The following ABCC2 variants were observed in gnomAD, a reference collection of about 807,000 sequenced individuals.
The protein encoded by ABCC2 is ATP binding cassette subfamily C member 2.
Under a neutral mutation model 173.4 loss-of-function variants are expected in ABCC2, and 157 were observed. The ratio of observed to expected loss-of-function variants is 0.91; its 90% CI spans 0.80 to 1.03. The LOEUF is 1.03. ABCC2 is among the 50% of genes least tolerant of loss of function. The pLI is 0.00. For missense variants in ABCC2, 1,822 were observed against 1,852.3 expected, an observed-to-expected ratio of 0.98 and a Z score of 0.30; for synonymous variants, 657 against 693.5, an observed-to-expected ratio of 0.95 and a Z score of 0.83.
intron 24 of ABCC2, among the ~76,000 whole-genome samples, chr10:99,834,944 T>G (rs1454286779): frequency 6.6e-6 from 1 of 152,258 alleles, no homozygotes; most frequent in Non-Finnish European, 1.5e-5. Context: ...CAGGCATAGC[T>G]GCTTGGAGAT....
chr10:99,801,461 C>A (rs2038015142), intron 9 of ABCC2, among the ~76,000 whole-genome samples: 1 of 152,188 alleles, frequency 6.6e-6, no homozygotes, highest in South Asian at 2.1e-4. Context: ...TGGTCTCGAT[C>A]TCCTGACGTC....
At position 99,832,105 on chromosome 10, in the gene ABCC2, G is replaced by A. The variant is rs777472412; in HGVS notation, c.3232G>A (p.Gly1078Ser). Residue 1078 changes from glycine (G) to serine (S), a missense_variant, in exon 23 of 32, where the codon GGC becomes AGC. Transcript: ENST00000647814. ...GAGATTTTTTGACACAACACCCACA[G>A]GCCGGATTGTGAACAGGTTTGCCGG... ...PMRFFDTTPT[G>S]RIVNRFAGDI... The A allele has an allele frequency of 6.2e-7, 1 of 1,614,180 alleles. No individual in the cohort carries two copies. Among genetic ancestry groups the A allele is most frequent in the East Asian group, 2.2e-5 (1 of 44,890 alleles).
rs771036937 is a variant in ABCC2 at position 99,847,019 on chromosome 10, C to T, written c.4205C>T (p.Ser1402Leu). 1.9e-6 allele frequency: 3 copies of T among 1,614,198 alleles called. No homozygotes were observed. In the South Asian group the frequency reaches 3.3e-5, roughly 18 times the overall value. Residue 1402 changes from serine to leucine, a missense_variant, in exon 30 of 32, where the codon TCA (serine) becomes TTA (leucine). Coordinates refer to ENST00000647814, the MANE Select transcript of ABCC2 (RefSeq NM_000392.5). ...RMNLDPFNNYSDEEIWKALEL... is the reference protein window; with the variant it reads ...RMNLDPFNNYLDEEIWKALEL... ...AATCTCGACCCTTTCAACAACTACT[C>T]AGATGAGGAGATTTGGAAGGCCTTG...
rs1564684099 is a variant in ABCC2 at position 99,814,260 on chromosome 10, CACGT to C, written c.2094+1118_2094+1121del. Among the ~76,000 whole-genome samples the C allele has an allele frequency of 1.4e-3, 44 of 30,908 alleles. 14 individuals are homozygous for C. Among genetic ancestry groups the C allele is most frequent in the African/African-American group, 5.3e-3 (38 of 7,134 alleles). 20.3% of individuals were successfully genotyped at this position (30,908 alleles called of 152,430 possible). ...ATATATGCACACACGTATGTATACA[CACGT>C]ATGTATACACACGTATGTATACACA... On this transcript the variant is annotated intron_variant, in intron 16 of 31. Transcript: ENST00000647814.
At chr10:99,783,831 A>G (rs139932141) in intron 1 of ABCC2, among the ~76,000 whole-genome samples, 79 of 152,232 alleles carry the variant, frequency 5.2e-4, no homozygotes, top group Admixed American at 1.4e-3. Context: ...TCTCTTGAGA[A>G]TTCTTTCTGA....
At chr10:99,811,718 T>C in intron 15 of ABCC2, 116 bp downstream of exon 15, 9 of 1,204,018 alleles carry the variant, frequency 7.5e-6, no homozygotes, top group Non-Finnish European at 9.7e-6. Flanking sequence ...ATGTCTTCGG[T>C]TAGATACTAG....
intron 16 of ABCC2, among the ~76,000 whole-genome samples, chr10:99,814,192 C>CACACAT (rs2038285030): frequency 1.2e-5 from 1 of 81,648 alleles, no homozygotes; most frequent in African/African-American, 4.4e-5. Flanking sequence ...TGTATACACA[C>CACACAT]ATGTGTATAT....
At chr10:99,826,042 C>A (rs1299271815) in intron 19 of ABCC2, among the ~76,000 whole-genome samples, 2 of 152,170 alleles carry the variant, frequency 1.3e-5, no homozygotes, top group East Asian at 1.9e-4. Context: ...CATTGACTAG[C>A]CCAATGTTTT....
chr10:99,810,032 C>T, intron 13 of ABCC2, 102 bp from the exon 14 acceptor site: 2 of 1,067,966 alleles, frequency 1.9e-6, no homozygotes, highest in Non-Finnish European at 2.9e-6. Flanking sequence ...GAGATGCCAG[C>T]TGTGGCAAAT....
chr10:99,790,152 C>A (rs2132959398), intron 2 of ABCC2, among the ~76,000 whole-genome samples: 1 of 152,298 alleles, frequency 6.6e-6, no homozygotes, highest in Non-Finnish European at 1.5e-5. Context: ...TATGTGAACT[C>A]AGAATTTTTA....
At chr10:99,822,807 T>G (rs1032365616) in intron 19 of ABCC2, among the ~76,000 whole-genome samples, 47 of 152,354 alleles carry the variant, frequency 3.1e-4, no homozygotes, top group Admixed American at 1.8e-3. Flanking sequence ...AGTGTTCTAT[T>G]AGTTCTTTCA....
intron 28 of ABCC2, 81 bp downstream of exon 28, chr10:99,844,546 T>C: frequency 1.3e-6 from 2 of 1,564,986 alleles, no homozygotes; most frequent in Non-Finnish European, 1.7e-6. Flanking sequence ...AGCTGGGCCC[T>C]AAGCCTTCAT....
At chr10:99,810,286 A>C in intron 14 of ABCC2, 68 bp downstream of exon 14, 1 of 1,234,708 alleles carries the variant, frequency 8.1e-7, no homozygotes, top group Non-Finnish European at 1.2e-6. Context: ...TGATAATACA[A>C]GAGCTTAGTA....
chr10:99,852,016 C>T lies in ABCC2; in HGVS notation c.*385C>T, dbSNP rs542480788. 5.6e-6 allele frequency: 1 copy of T among 178,934 alleles called. No homozygotes were observed. The highest frequency in any genetic ancestry group is 1.2e-5 in the Non-Finnish European group (1 of 84,434). 11.1% of individuals were successfully genotyped at this position (178,934 alleles called of 1,614,324 possible). A position where few individuals can be genotyped will look rare whatever the true frequency, so the allele number is the denominator to read the frequency against. ...TGCATACATCTTCTATGACTTGATT[C>T]TTTTGTTCAATATTATATCTGAGAT... is the stretch of plus-strand genomic sequence containing the variant. On this transcript the variant is annotated 3_prime_UTR_variant, in exon 32 of 32. Transcript: ENST00000647814.
chr10:99,848,478 G>A (rs2039048590), intron 30 of ABCC2, among the ~76,000 whole-genome samples: 1 of 152,198 alleles, frequency 6.6e-6, no homozygotes, highest in Admixed American at 6.5e-5. Flanking sequence ...GTGGTGGTAG[G>A]CAGGGAATAG....
chr10:99,793,810 T>C, intron 4 of ABCC2, 82 bp from the exon 5 acceptor site: 1 of 1,567,914 alleles, frequency 6.4e-7, no homozygotes, highest in East Asian at 2.2e-5. Flanking sequence ...TAGGCTTTAA[T>C]CACAAGCATT....
chr10:99,850,610 A>G lies in ABCC2; in HGVS notation c.4322A>G (p.Gln1441Arg). ...TEAGGNLSIG[Q>R]RQLLCLGRAL... ...GCTTCTATTGGCTGCAGCATAGGCC[A>G]GAGGCAGCTGCTGTGCCTGGGCAGG... Residue 1441 changes from glutamine to arginine, a missense_variant, in exon 31 of 32, where the codon CAG becomes CGG. By Grantham distance (43) the Gln-to-Arg change is conservative (BLOSUM62 1). Transcript: ENST00000647814. The G allele has an allele frequency of 6.2e-7, 1 of 1,614,132 alleles. No individual in the cohort carries two copies. The highest frequency in any genetic ancestry group is 8.5e-7 in the Non-Finnish European group (1 of 1,180,004).
intron 16 of ABCC2, among the ~76,000 whole-genome samples, chr10:99,815,476 G>T (rs1026088526): frequency 6.6e-6 from 1 of 152,082 alleles, no homozygotes; most frequent in African/African-American, 2.4e-5. Context: ...GATTATATGG[G>T]TAAGCCACTG....
At chr10:99,797,365 T>G in intron 7 of ABCC2, 34 bp downstream of exon 7, 7 of 1,562,458 alleles carry the variant, frequency 4.5e-6, no homozygotes, top group Non-Finnish European at 5.2e-6. Flanking sequence ...GTGAGCGCGC[T>G]GCATGTTTCA....
Sources: gnomAD v4.1 joint callset for allele counts (sites outside exome capture counted in the v4.1 genomes callset) on GRCh38, gnomAD v4.1.1 for gene constraint, MANE v1.5 for transcripts, NCBI Gene and HGNC (gene_info 2026-07-23, HGNC 2026-07-21) for gene names.